Variants in TRIP11 observed in about 807,000 individuals in gnomAD.
TRIP11 encodes thyroid receptor-interacting protein 11.
A neutral mutation model predicts 223.1 loss-of-function variants in TRIP11; 148 were observed. The observed-to-expected ratio is 0.66, with a 90% confidence interval of 0.58 to 0.76. The LOEUF is 0.76. Among genes scored for constraint, TRIP11 ranks in the 30% least tolerant of loss-of-function variants. The pLI is 0.00. For missense variants in TRIP11, 2,043 were observed against 2,222.0 expected (o/e 0.92, Z 1.62); for synonymous variants, 762 against 772.6 (o/e 0.99, Z 0.23).
At position 92,039,693 on chromosome 14, in the gene TRIP11, A is replaced by G. The variant is rs951479348; in HGVS notation, c.-8T>C. ...CCCAAGCCAGGACGACATCGCGGCG[A>G]GTTTAGAGAACGACCCGGTCCGCTC... On this transcript the variant is annotated 5_prime_UTR_variant, in exon 1 of 21. Transcript: ENST00000267622. The G allele has an allele frequency of 6.2e-7, 1 of 1,610,628 alleles. No homozygotes were observed. Among genetic ancestry groups the G allele is most frequent in the Admixed American group, 1.7e-5 (1 of 59,490 alleles).
rs2057167475 is a variant in TRIP11, at chr14:92,025,299, A to G, written c.312+11T>C. ...GTGAAGTACATATGAAGTAACTGTGATAACATTTACCTCTTTTTGTTGAAG... is the reference window on the plus strand; with the variant it reads ...GTGAAGTACATATGAAGTAACTGTGGTAACATTTACCTCTTTTTGTTGAAG... On this transcript the variant is annotated intron_variant, in intron 3 of 20. Transcript: ENST00000267622. 1.9e-6 allele frequency: 3 copies of G among 1,595,760 alleles called. No individual in the cohort carries two copies. Among genetic ancestry groups the G allele is most frequent in the Admixed American group, 1.7e-5 (1 of 59,972 alleles).
At chr14:92,026,779 T>C in intron 2 of TRIP11, 2 of 1,217,996 alleles carry the variant, frequency 1.6e-6, no homozygotes, top group East Asian at 2.3e-5. Flanking sequence ...GGAAGAAGGA[T>C]GGAGATGAAG....
At position 91,975,237 on chromosome 14, in the gene TRIP11, G is replaced by A. The variant is rs760028443; in HGVS notation, c.5392C>T (p.Gln1798Ter). 5 of 1,613,754 alleles carry A rather than the reference G, an allele frequency of 3.1e-6. No homozygotes were observed. Among genetic ancestry groups the A allele is most frequent in the Non-Finnish European group, 4.2e-6 (5 of 1,179,808 alleles). Residue 1798 changes from glutamine (Q) to a stop codon, truncating the protein, a stop_gained, in exon 18 of 21, where the codon CAG becomes TAG. Transcript: ENST00000267622. LOFTEE classifies it high-confidence loss of function. Reference sequence around the variant, plus strand: ...ATTAACCGTAACACTTCATGACGCTGATTTTTCGGTGTGTGGAAATGACCA... The same window carrying A: ...ATTAACCGTAACACTTCATGACGCTAATTTTTCGGTGTGTGGAAATGACCA... ...FIGHFHTPKN[Q>*]RHEVLRLMGS...
intron 14 of TRIP11, among the ~76,000 whole-genome samples, chr14:91,994,597 CAAA>C (rs1226032495): frequency 6.6e-6 from 1 of 152,168 alleles, no homozygotes; most frequent in Non-Finnish European, 1.5e-5. Flanking sequence ...CACAGAGGTA[CAAA>C]TTTAAAGTTT....
chr14:91,975,389 C>G, intron 17 of TRIP11, 103 bp from the exon 18 acceptor site: 1 of 650,082 alleles, frequency 1.5e-6, no homozygotes, highest in Non-Finnish European at 2.5e-6. Flanking sequence ...TAAATATTTA[C>G]TTATAAAAAA....
rs2057212491 is a variant in TRIP11 at position 92,028,072 on chromosome 14, A to G, written c.202-2652T>C. Among the ~76,000 whole-genome samples the G allele has an allele frequency of 2.0e-5, 3 of 152,218 alleles. No individual in the cohort carries two copies. In the South Asian group the frequency reaches 6.2e-4, roughly 31 times the overall value. Reference sequence around the variant, plus strand: ...GTAAGCTGTTTATATGAAAAACACCATACATAACTCAGCGATATAATATAC... The same window carrying G: ...GTAAGCTGTTTATATGAAAAACACCGTACATAACTCAGCGATATAATATAC... On this transcript the variant is annotated intron_variant, in intron 2 of 20. Transcript: ENST00000267622.
intron 18 of TRIP11, 42 bp from the exon 19 acceptor site, chr14:91,974,785 G>GAAAAAA: frequency 9.4e-7 from 1 of 1,061,640 alleles, no homozygotes; most frequent in African/African-American, 1.8e-5. Flanking sequence ...ATCAGTACAA[G>GAAAAAA]AAAAAAAAAA....
intron 2 of TRIP11, among the ~76,000 whole-genome samples, chr14:92,032,044 C>T (rs1566876027): frequency 6.6e-6 from 1 of 152,162 alleles, no homozygotes; most frequent in Non-Finnish European, 1.5e-5. Flanking sequence ...AAGCCATCCT[C>T]CCACCTCCAC....
intron 3 of TRIP11, among the ~76,000 whole-genome samples, chr14:92,023,916 C>T (rs896651039): frequency 6.7e-6 from 1 of 149,596 alleles, no homozygotes; most frequent in Admixed American, 6.7e-5. Context: ...AATGCAGTGG[C>T]GTGATCTCAG....
intron 20 of TRIP11, among the ~76,000 whole-genome samples, chr14:91,970,289 T>C (rs2056385860): frequency 6.6e-6 from 1 of 152,054 alleles, no homozygotes; most frequent in African/African-American, 2.4e-5. Context: ...GGCGGGCGCC[T>C]GTAATCCCAG....
rs2056348888 is a variant in TRIP11, at chr14:91,967,134, G to GTTTTTTTTTTTTTTTT, written c.*2538_*2539insAAAAAAAAAAAAAAAA. On this transcript the variant is annotated 3_prime_UTR_variant, in exon 21 of 21. Coordinates refer to ENST00000267622, the MANE Select transcript of TRIP11 (RefSeq NM_004239.4). The stretch of plus-strand genomic sequence containing the variant: ...CACAATGAAAACATTAGGTACTATA[G>GTTTTTTTTTTTTTTTT]CTTTTTTTTTTTTTTTTTTTTTTTT... 4 of 113,822 alleles carry GTTTTTTTTTTTTTTTT rather than the reference G, an allele frequency of 3.5e-5. No individual in the cohort carries two copies. The highest frequency in any genetic ancestry group is 9.6e-5 in the African/African-American group (2 of 20,826). The allele number at this position is 113,822 out of a possible 1,614,324, so 7.1% of individuals were successfully genotyped here.
Position 92,011,005 on chromosome 14 carries a change from G to C in TRIP11, c.1295C>G (p.Ser432Ter). The C allele has an allele frequency of 6.2e-7, 1 of 1,613,844 alleles. No individual in the cohort carries two copies. The highest frequency in any genetic ancestry group is 1.1e-5 in the South Asian group (1 of 91,056). ...MRIEVLEKEK[S>*]LLSQEKEELQ... The stretch of plus-strand genomic sequence containing the variant: ...ACCCACCTTTTCTTGACTCAGTAAT[G>C]ACTTCTCTTTTTCTAAAACTTCGAT... Residue 432 changes from serine to a stop codon, truncating the protein, a stop_gained, in exon 9 of 21, where the codon TCA (serine) becomes TGA (stop). Transcript: ENST00000267622. LOFTEE classifies it high-confidence loss of function.
intron 18 of TRIP11, 35 bp downstream of exon 18, chr14:91,975,137 T>C (rs2056447883): frequency 6.5e-7 from 1 of 1,550,082 alleles, no homozygotes; most frequent in Non-Finnish European, 8.9e-7. Flanking sequence ...ATCTGGATTA[T>C]GAATGTGTTC....
At chr14:91,990,779 C>A (rs1012689009) in intron 15 of TRIP11, among the ~76,000 whole-genome samples, 1 of 152,176 alleles carries the variant, frequency 6.6e-6, no homozygotes, top group Admixed American at 6.5e-5. Context: ...GAGTTTGAGA[C>A]CAGCCTGGAC....
intron 13 of TRIP11, among the ~76,000 whole-genome samples, chr14:91,998,799 A>G (rs1195582873): frequency 6.6e-6 from 1 of 152,110 alleles, no homozygotes; most frequent in Non-Finnish European, 1.5e-5. Flanking sequence ...TTAATTCTTC[A>G]TACTGACCTT....
chr14:92,014,490 G>A lies in TRIP11; in HGVS notation c.911C>T (p.Ser304Phe), dbSNP rs779061616. The A allele has an allele frequency of 5.0e-6, 8 of 1,594,858 alleles. No individual in the cohort carries two copies. The highest frequency in any genetic ancestry group is 4.5e-5 in the East Asian group (2 of 44,652). ...CTCAAGTTGTTCCATTTTTTTGGTA[G>A]ACTCCACTTTTTCTATTTGTAGAAC... ...IQVLQIEKVE[S>F]TKKMEQLEDK... The change falls in exon 7 of 21, where the codon TCT becomes TTT. Residue 304 changes from serine to phenylalanine, a missense_variant. Coordinates refer to ENST00000267622, the MANE Select transcript of TRIP11 (RefSeq NM_004239.4).
intron 13 of TRIP11, among the ~76,000 whole-genome samples, chr14:91,997,386 G>A (rs2056764261): frequency 1.3e-5 from 2 of 152,138 alleles, no homozygotes; most frequent in Middle Eastern, 3.4e-3. Flanking sequence ...CATTTCATTG[G>A]GTGGGAGGCA....
At chr14:91,995,013 C>T (rs1028449631) in intron 14 of TRIP11, among the ~76,000 whole-genome samples, 5 of 152,096 alleles carry the variant, frequency 3.3e-5, no homozygotes, top group African/African-American at 4.8e-5. Flanking sequence ...GTGCGTATCT[C>T]TCTTTCTTTG....
At chr14:91,985,286 A>G (rs145956738) in intron 16 of TRIP11, among the ~76,000 whole-genome samples, 1 of 152,306 alleles carries the variant, frequency 6.6e-6, no homozygotes, top group East Asian at 1.9e-4. Flanking sequence ...AGTATCTCAT[A>G]TAGCACCTAA....
Sources: gnomAD v4.1 joint callset for allele counts (sites outside exome capture counted in the v4.1 genomes callset) on GRCh38, gnomAD v4.1.1 for gene constraint, MANE v1.5 for transcripts, NCBI Gene and HGNC (gene_info 2026-07-23, HGNC 2026-07-21) for gene names.